The following IFT140 variants were observed in gnomAD, a reference collection of about 807,000 sequenced individuals.
The protein encoded by IFT140 is intraflagellar transport 140.
In IFT140, 133 loss-of-function variants were observed where a neutral mutation model predicts 164.6. That is an observed-to-expected ratio of 0.81 (90% CI 0.70 to 0.93). The LOEUF is 0.93. Among genes scored for constraint, IFT140 ranks in the 40% least tolerant of loss-of-function variants. The pLI, the probability that IFT140 is intolerant of heterozygous loss-of-function variation, is 0.00. For missense variants in IFT140, 2,045 were observed against 1,972.3 expected (o/e 1.04, Z -0.70); for synonymous variants, 860 against 817.3 (o/e 1.05, Z -0.89).
In IFT140 at chr16:1,580,815, G is replaced by T. The variant is rs753608225; in HGVS notation, c.1468C>A (p.His490Asn). Reference sequence around the variant, plus strand: ...TCCACCGTGTAAACGTTTTCTTCATGCATTGCTAACACAGGCGTCTCACAC... The same window carrying T: ...TCCACCGTGTAAACGTTTTCTTCATTCATTGCTAACACAGGCGTCTCACAC... ...FLCETPVLAMHEENVYTVESN... is the reference protein window; with the variant it reads ...FLCETPVLAMNEENVYTVESN... The change falls in exon 13 of 31, where the codon CAT becomes AAT. Residue 490 changes from histidine (H) to asparagine (N), a missense_variant. By Grantham distance (68) the His-to-Asn change is moderately conservative (BLOSUM62 1). Coordinates refer to ENST00000426508, the MANE Select transcript of IFT140 (RefSeq NM_014714.4). 26 of 1,613,736 alleles carry T rather than the reference G, an allele frequency of 1.6e-5. No homozygotes were observed. Among genetic ancestry groups the T allele is most frequent in the Non-Finnish European group, 9.3e-6 (11 of 1,179,828 alleles).
rs150609495 is a variant in IFT140 at position 1,525,778 on chromosome 16, C to T, written c.2768+109G>A. ...AAGGCTGCCACCACCCTGAGACAGA[C>T]GCCTCCTCTAAGAACCTCCCTGGCC... On this transcript the variant is annotated intron_variant, in intron 21 of 30. Transcript: ENST00000426508. The T allele has an allele frequency of 7.5e-4, 845 of 1,127,828 alleles. 9 individuals carry two copies. The African/African-American group carries it at 0.011, about 15-fold the overall frequency. 69.9% of individuals were successfully genotyped at this position (1,127,828 alleles called of 1,614,324 possible).
chr16:1,541,962 G>A, intron 19 of IFT140: 1 of 1,610,160 alleles, frequency 6.2e-7, no homozygotes. Context: ...GGTGGCCACG[G>A]CCGCGCTCAC....
intron 18 of IFT140, among the ~76,000 whole-genome samples, chr16:1,559,880 C>T (rs1382938043): frequency 6.6e-6 from 1 of 152,204 alleles, no homozygotes; most frequent in Admixed American, 6.5e-5. Flanking sequence ...ACGACCTGGG[C>T]GTCTGTACTT....
chr16:1,604,776 C>T (rs2035976465), intron 3 of IFT140, among the ~76,000 whole-genome samples: 2 of 151,242 alleles, frequency 1.3e-5, no homozygotes, highest in South Asian at 2.1e-4. Context: ...CCAGAGGTTC[C>T]GGGGGAGAAA....
At chr16:1,527,221 G>A (rs984791562) in intron 19 of IFT140, among the ~76,000 whole-genome samples, 1 of 152,226 alleles carries the variant, frequency 6.6e-6, no homozygotes, top group African/African-American at 2.4e-5. Flanking sequence ...CTGCACAGCA[G>A]GGACCCTCAC....
chr16:1,520,423 A>C, intron 27 of IFT140, 80 bp from the exon 28 acceptor site: 1 of 1,494,768 alleles, frequency 6.7e-7, no homozygotes, highest in Non-Finnish European at 9.3e-7. Context: ...AGGAGCTCTC[A>C]CAAGAAGAGT....
At chr16:1,546,371 C>G (rs2032172929) in intron 19 of IFT140, among the ~76,000 whole-genome samples, 1 of 152,196 alleles carries the variant, frequency 6.6e-6, no homozygotes, top group Admixed American at 6.5e-5. Context: ...CTGCAGGAGC[C>G]CAGAGCAGGT....
rs537449495 is a variant in IFT140, at chr16:1,551,163, G to A, written c.2399+6772C>T. Among the ~76,000 whole-genome samples, 8 of 152,350 alleles carry A rather than the reference G, an allele frequency of 5.3e-5. No homozygotes were observed. In the South Asian group the frequency reaches 8.3e-4, roughly 16 times the overall value. ...AACGATTAACTCAAAAAGTAATTGC[G>A]GAGAGACTTCTGGGAAGCTGTGGTC... On this transcript the variant is annotated intron_variant, in intron 19 of 30. Coordinates refer to ENST00000426508, the MANE Select transcript of IFT140 (RefSeq NM_014714.4). The surrounding 1 kb of genome is among the most constrained non-coding windows in gnomAD (Gnocchi z 4.0).
rs553792163 is a variant in IFT140, at chr16:1,533,961, C to T, written c.2400-7165G>A. On this transcript the variant is annotated intron_variant, in intron 19 of 30. Transcript: ENST00000426508. The surrounding 1 kb of genome is among the most constrained non-coding windows in gnomAD (Gnocchi z 4.7). ...GAGAAGAGGCACGCGCGGCACAGGC[C>T]GGCCTCCGCTTCCCGGGAAGACGGC... is the stretch of plus-strand genomic sequence containing the variant. 1.9e-5 allele frequency: 8 copies of T among 423,664 alleles called. No individual in the cohort carries two copies. The highest frequency in any genetic ancestry group is 6.4e-5 in the African/African-American group (3 of 47,198). The allele number at this position is 423,664 out of a possible 1,614,324, so 26.2% of individuals were successfully genotyped here.
At chr16:1,609,161 A>G (rs564896007) in intron 2 of IFT140, among the ~76,000 whole-genome samples, 6 of 152,128 alleles carry the variant, frequency 3.9e-5, no homozygotes, top group Admixed American at 6.5e-5. Context: ...TAAAAAAAAA[A>G]GGGGGTTTTA....
chr16:1,600,464 A>T (rs28410525), intron 4 of IFT140, among the ~76,000 whole-genome samples: 56 of 36,034 alleles, frequency 1.6e-3, no homozygotes, highest in Middle Eastern at 9.4e-3. Context: ...AAATAAATTT[A>T]AAAAAAAAAA....
chr16:1,585,716 G>C lies in IFT140; in HGVS notation c.1155+414C>G, dbSNP rs191718440. ...TATTGTTATTTTCACATAGTCTTAA[G>C]TTGAATAACTGATAAAAATAGGTTC... On this transcript the variant is annotated intron_variant, in intron 10 of 30. Coordinates refer to ENST00000426508, the MANE Select transcript of IFT140 (RefSeq NM_014714.4). Among the ~76,000 whole-genome samples, 50 of 148,188 alleles carry C rather than the reference G, an allele frequency of 3.4e-4. 1 individual carries two copies. Among genetic ancestry groups the C allele is most frequent in the African/African-American group, 1.1e-3 (46 of 40,448 alleles).
At chr16:1,540,975 A>C (rs2031576903) in intron 19 of IFT140, 1 of 985,204 alleles carries the variant, frequency 1.0e-6, no homozygotes, top group African/African-American at 1.7e-5. Flanking sequence ...CTGCTTCACC[A>C]CCACCTCATT....
At chr16:1,524,941 T>C (rs1459443337) in intron 22 of IFT140, 25 bp from the exon 23 acceptor site, 1 of 1,587,978 alleles carries the variant, frequency 6.3e-7, no homozygotes, top group East Asian at 2.3e-5. Flanking sequence ...AGACCATGGA[T>C]TCTCCACCCG....
Position 1,583,330 on chromosome 16 carries a change from G to A in IFT140, c.1416C>T (p.Ala472=). Residue 472 remains alanine, a synonymous_variant, in exon 12 of 31, where the codon GCC becomes GCT. Transcript: ENST00000426508. ...AGAACCCACCTGCACTCCGTATCGC[G>A]GCTCCAGAAAGCTCGAAGATCGCCA... The part of the protein sequence containing the change: ...RQVAIFELSG[A]AIRSAGTFLC... 6.2e-6 allele frequency: 10 copies of A among 1,614,076 alleles called. No individual in the cohort carries two copies. Among genetic ancestry groups the A allele is most frequent in the Non-Finnish European group, 8.5e-6 (10 of 1,179,974 alleles).
At chr16:1,593,673 T>C (rs945348677) in intron 4 of IFT140, among the ~76,000 whole-genome samples, 22 of 152,184 alleles carry the variant, frequency 1.4e-4, no homozygotes, top group Admixed American at 1.4e-3. Flanking sequence ...GGATTGTTGA[T>C]AGTTTTTCTC....
chr16:1,518,616 T>C (rs2040432619), intron 29 of IFT140, among the ~76,000 whole-genome samples: 1 of 151,992 alleles, frequency 6.6e-6, no homozygotes, highest in South Asian at 2.1e-4. Context: ...GTTCCTGCTC[T>C]ATGGAACAGT....
rs191865055 is a variant in IFT140 at position 1,552,035 on chromosome 16, G to A, written c.2399+5900C>T. Among the ~76,000 whole-genome samples the A allele has an allele frequency of 5.9e-5, 9 of 152,280 alleles. No individual in the cohort carries two copies. The East Asian group carries it at 1.2e-3, about 20-fold the overall frequency. On this transcript the variant is annotated intron_variant, in intron 19 of 30. Coordinates refer to ENST00000426508, the MANE Select transcript of IFT140 (RefSeq NM_014714.4). Reference sequence around the variant, plus strand: ...CTGACCCCCACGGCAACCGCAGACCGTGAGGGAGGTTGACCCTGGAAGCCA... The same window carrying A: ...CTGACCCCCACGGCAACCGCAGACCATGAGGGAGGTTGACCCTGGAAGCCA...
chr16:1,542,015 C>A (rs754735634), intron 19 of IFT140: 1 of 1,611,478 alleles, frequency 6.2e-7, no homozygotes, highest in Non-Finnish European at 8.5e-7. Context: ...TGGGCCTGCC[C>A]CTGCTGTCAC....
Sources: allele counts gnomAD v4.1 joint callset (sites outside exome capture counted in the v4.1 genomes callset), GRCh38; gene constraint gnomAD v4.1.1; non-coding constraint Gnocchi (gnomAD v3.1); transcripts MANE v1.5; gene names NCBI Gene and HGNC (gene_info 2026-07-23, HGNC 2026-07-21).